ANXA3: variants seen among roughly 807,000 people sequenced by gnomAD.
The protein encoded by ANXA3 is annexin A3.
ANXA3 carries 46 observed loss-of-function variants against 48.8 expected under a neutral mutation model. That is an observed-to-expected ratio of 0.94 (90% CI 0.74 to 1.21). The LOEUF (loss-of-function observed/expected upper bound fraction) is 1.21. ANXA3 is among the 50% of genes most tolerant of loss of function. ANXA3 has a pLI of 0.00. For missense variants in ANXA3, 383 were observed against 378.6 expected (o/e 1.01, Z -0.10); for synonymous variants, 128 against 134.7 (o/e 0.95, Z 0.35).
chr4:78,552,512 A>G (rs1437337141), intron 1 of ANXA3, among the ~76,000 whole-genome samples: 3 of 152,234 alleles, frequency 2.0e-5, no homozygotes, highest in Admixed American at 2.0e-4. Context: ...TTGACTAGAT[A>G]TGAATCATTC....
intron 7 of ANXA3, among the ~76,000 whole-genome samples, chr4:78,593,113 C>CCCCACA (rs71661180): frequency 6.9e-5 from 10 of 143,934 alleles, no homozygotes; most frequent in Non-Finnish European, 1.2e-4. Context: ...AACACACATA[C>CCCCACA]CACACACACA....
At chr4:78,604,574 T>C (rs1723610125) in intron 12 of ANXA3, among the ~76,000 whole-genome samples, 175 bp downstream of exon 12, 1 of 152,230 alleles carries the variant, frequency 6.6e-6, no homozygotes. Flanking sequence ...TATTTTCAGC[T>C]CTAAAATCCC....
At chr4:78,565,057 G>A (rs968650717) in intron 2 of ANXA3, among the ~76,000 whole-genome samples, 3 of 147,798 alleles carry the variant, frequency 2.0e-5, no homozygotes, top group East Asian at 2.0e-4. Context: ...GCAGTAGCAC[G>A]ATCTCAGCTC....
At chr4:78,586,139 A>G (rs1053031162) in intron 5 of ANXA3, 121 bp from the exon 6 acceptor site, 22 of 556,398 alleles carry the variant, frequency 4.0e-5, no homozygotes, top group South Asian at 3.7e-4. Context: ...AGCAATAGAG[A>G]ACCTTGTATT....
At chr4:78,559,878 T>A (rs1021542382) in intron 2 of ANXA3, among the ~76,000 whole-genome samples, 2 of 152,240 alleles carry the variant, frequency 1.3e-5, no homozygotes, top group African/African-American at 4.8e-5. Context: ...GAGTGAGCAC[T>A]CAATAAATGT....
intron 4 of ANXA3, among the ~76,000 whole-genome samples, chr4:78,580,600 A>G (rs75481558): frequency 0.024 from 3,693 of 152,274 alleles, 153 homozygotes; most frequent in African/African-American, 0.083. Context: ...GAAAAGGTAC[A>G]AACAGACCCG....
intron 12 of ANXA3, among the ~76,000 whole-genome samples, chr4:78,606,375 C>A (rs1560452959): frequency 6.6e-6 from 1 of 152,092 alleles, no homozygotes; most frequent in East Asian, 1.9e-4. Context: ...CTGATTAGAC[C>A]CCCTAAGCTG....
chr4:78,594,268 T>C (rs1332030637), intron 7 of ANXA3, among the ~76,000 whole-genome samples: 1 of 151,970 alleles, frequency 6.6e-6, no homozygotes, highest in East Asian at 1.9e-4. Context: ...TTCCATTGTA[T>C]AGAATATTTA....
Position 78,569,951 on chromosome 4 carries a change from G to C in ANXA3, c.16-3229G>C, listed in dbSNP as rs1055109206. Among the ~76,000 whole-genome samples the C allele has an allele frequency of 7.9e-5, 12 of 152,330 alleles. No individual in the cohort carries two copies. The East Asian group carries it at 1.5e-3, about 20-fold the overall frequency. On this transcript the variant is annotated intron_variant, in intron 2 of 12. Transcript: ENST00000264908. Reference sequence around the variant, plus strand: ...TCACCTCATGAAGGCTCTTGTAAGAGTTAAATGTTTGTAAATCACTTTGTT... The same window carrying C: ...TCACCTCATGAAGGCTCTTGTAAGACTTAAATGTTTGTAAATCACTTTGTT...
Position 78,579,011 on chromosome 4 carries a change from CTTT to C in ANXA3, c.104-14_104-12del. On this transcript the variant is annotated splice_polypyrimidine_tract_variant and intron_variant, in intron 3 of 12. Transcript: ENST00000264908. The stretch of plus-strand genomic sequence containing the variant: ...TGAGCATAAATATTGAGTAAAATAA[CTTT>C]TGTTTCATTTAGGAACTGATGAGAA... The C allele has an allele frequency of 6.4e-7, 1 of 1,571,252 alleles. No individual in the cohort carries two copies. Among genetic ancestry groups the C allele is most frequent in the Non-Finnish European group, 8.8e-7 (1 of 1,142,754 alleles).
chr4:78,597,121 G>T (rs2109946540), intron 9 of ANXA3, 198 bp from the exon 10 acceptor site: 1 of 484,434 alleles, frequency 2.1e-6, no homozygotes, highest in Middle Eastern at 5.7e-4. Flanking sequence ...CATCTAGGGA[G>T]TTTGGGTTTT....
chr4:78,558,096 G>A (rs754637634), intron 2 of ANXA3, among the ~76,000 whole-genome samples: 9 of 152,210 alleles, frequency 5.9e-5, no homozygotes, highest in Non-Finnish European at 1.2e-4. Context: ...TACTATGTGG[G>A]TGAGCCTTGA....
At chr4:78,562,717 G>A (rs79220332) in intron 2 of ANXA3, among the ~76,000 whole-genome samples, 9,167 of 152,226 alleles carry the variant, frequency 0.06, 953 homozygotes, top group African/African-American at 0.21. Flanking sequence ...AGAAATAAAT[G>A]TACAGTATAA....
chr4:78,576,324 G>C (rs1322390535), intron 3 of ANXA3, among the ~76,000 whole-genome samples: 2 of 150,746 alleles, frequency 1.3e-5, no homozygotes, highest in Non-Finnish European at 2.9e-5. Flanking sequence ...TTTTTTTTAA[G>C]AGAGAAGGGC....
At position 78,595,409 on chromosome 4, in the gene ANXA3, A is replaced by G. The variant is rs1420052017; in HGVS notation, c.512A>G (p.Asp171Gly). 3.1e-6 allele frequency: 5 copies of G among 1,613,406 alleles called. No individual in the cohort carries two copies. Among genetic ancestry groups the G allele is most frequent in the African/African-American group, 2.7e-5 (2 of 75,006 alleles). ...AGAAGAGATGAAAGTCTGAAAGTGGATGAGCATCTGGCCAAACAAGATGCC... is the reference window on the plus strand; with the variant it reads ...AGAAGAGATGAAAGTCTGAAAGTGGGTGAGCATCTGGCCAAACAAGATGCC... ...DGRRDESLKVDEHLAKQDAQI... is the reference protein window; with the variant it reads ...DGRRDESLKVGEHLAKQDAQI... The change falls in exon 8 of 13, where the codon GAT (aspartate) becomes GGT (glycine). Residue 171 changes from aspartate to glycine, a missense_variant. Transcript: ENST00000264908.
At chr4:78,577,794 A>G (rs1301330196) in intron 3 of ANXA3, among the ~76,000 whole-genome samples, 5 of 152,130 alleles carry the variant, frequency 3.3e-5, no homozygotes, top group Admixed American at 3.3e-4. Flanking sequence ...CTGCAAGCCA[A>G]TTCACAGCTT....
chr4:78,594,668 C>T (rs991553332), intron 7 of ANXA3, among the ~76,000 whole-genome samples: 5 of 152,108 alleles, frequency 3.3e-5, no homozygotes, highest in African/African-American at 4.8e-5. Flanking sequence ...GCCATCTGTG[C>T]GTCTTCTTTG....
chr4:78,568,752 C>T (rs1461360861), intron 2 of ANXA3, among the ~76,000 whole-genome samples: 3 of 152,220 alleles, frequency 2.0e-5, no homozygotes, highest in Non-Finnish European at 4.4e-5. Context: ...TAGCAAACAG[C>T]TCCCTAGGCC....
At chr4:78,557,482 A>G (rs1027451) in intron 2 of ANXA3, among the ~76,000 whole-genome samples, 151,613 of 152,296 alleles carry the variant, frequency 1, 75,465 homozygotes, top group Middle Eastern at 1. Flanking sequence ...AAGGATTATG[A>G]TGTATACATT....
Sources: allele counts gnomAD v4.1 joint callset (sites outside exome capture counted in the v4.1 genomes callset), GRCh38; gene constraint gnomAD v4.1.1; transcripts MANE v1.5; gene names NCBI Gene and HGNC (gene_info 2026-07-23, HGNC 2026-07-21).